PCDHA7: variants seen among roughly 807,000 people sequenced by gnomAD.
PCDHA7 encodes protocadherin alpha-7.
In PCDHA7, 37 loss-of-function variants were observed where a neutral mutation model predicts 57.2. The ratio of observed to expected loss-of-function variants is 0.65; its 90% CI spans 0.50 to 0.85. The LOEUF (loss-of-function observed/expected upper bound fraction) is 0.85. PCDHA7 is among the 40% of genes least tolerant of loss of function. PCDHA7 has a pLI of 0.00. For missense variants in PCDHA7, 1,188 were observed against 1,241.8 expected (o/e 0.96, Z 0.65); for synonymous variants, 553 against 558.8 (o/e 0.99, Z 0.15).
intron 1 of PCDHA7, among the ~76,000 whole-genome samples, chr5:140,847,056 A>T (rs1554141637): frequency 6.7e-6 from 1 of 149,850 alleles, no homozygotes; most frequent in South Asian, 2.1e-4. Flanking sequence ...GAAGACACAG[A>T]AAGCATCAAT....
chr5:140,875,961 C>G, intron 1 of PCDHA7: 1 of 1,614,004 alleles, frequency 6.2e-7, no homozygotes, highest in Non-Finnish European at 8.5e-7. Flanking sequence ...CGGATATCGG[C>G]GTAAACTCTC....
At chr5:140,956,554 G>C (rs546505112) in intron 1 of PCDHA7, among the ~76,000 whole-genome samples, 1 of 152,318 alleles carries the variant, frequency 6.6e-6, no homozygotes, top group East Asian at 1.9e-4. Flanking sequence ...TGGTTTGCCA[G>C]TATCTTATTG....
chr5:140,835,577 G>A lies in PCDHA7; in HGVS notation c.1194G>A (p.Val398=). The change falls in exon 1 of 4, where the codon GTG becomes GTA. Residue 398 remains valine, a synonymous_variant. Transcript: ENST00000525929. ...CGCCCCGCGTTCCCTTCAAGTTGGT[G>A]TCCACCTTCAAGAATTACTATTCAT... ...SLTPRVPFKL[V]STFKNYYSLV... The A allele has an allele frequency of 1.9e-6, 3 of 1,613,890 alleles. No individual in the cohort carries two copies. Among genetic ancestry groups the A allele is most frequent in the Non-Finnish European group, 2.5e-6 (3 of 1,179,866 alleles).
chr5:140,886,827 GAA>G (rs782016620), intron 1 of PCDHA7, among the ~76,000 whole-genome samples: 14 of 60,910 alleles, frequency 2.3e-4, no homozygotes, highest in Non-Finnish European at 3.3e-4. Context: ...ACTTCGTCTT[GAA>G]AAAAAAAAAA....
chr5:140,856,293 T>C, intron 1 of PCDHA7: 7 of 1,598,502 alleles, frequency 4.4e-6, no homozygotes, highest in Non-Finnish European at 6.0e-6. Context: ...CAGAATGGCA[T>C]TTTGTTTGTG....
intron 1 of PCDHA7, among the ~76,000 whole-genome samples, chr5:140,953,003 A>G (rs2094831963): frequency 6.6e-6 from 1 of 152,190 alleles, no homozygotes; most frequent in Non-Finnish European, 1.5e-5. Context: ...CTCTCTCACT[A>G]TTATGAGAAC....
chr5:140,835,990 G>T lies in PCDHA7; in HGVS notation c.1607G>T (p.Ser536Ile), dbSNP rs2150249638. 6.2e-7 allele frequency: 1 copy of T among 1,613,318 alleles called. No homozygotes were observed. Among genetic ancestry groups the T allele is most frequent in the East Asian group, 2.2e-5 (1 of 44,850 alleles). The change falls in exon 1 of 4, where the codon AGC becomes ATC. Residue 536 changes from serine (S) to isoleucine (I), a missense_variant. By Grantham distance (142) the Ser-to-Ile change is moderately radical. Transcript: ENST00000525929. ...CTGGAGCTGTTGCAGTTCCAGGTGA[G>T]CGCGCGCGATGCGGGCGTGCCGCCT... ...EELELLQFQV[S>I]ARDAGVPPLG...
At chr5:140,946,277 AT>A (rs1554217463) in intron 1 of PCDHA7, among the ~76,000 whole-genome samples, 1 of 152,068 alleles carries the variant, frequency 6.6e-6, no homozygotes, top group Non-Finnish European at 1.5e-5. Flanking sequence ...TAAAACCCCA[AT>A]GAGATATCAC....
chr5:140,973,199 G>A (rs574187280), intron 1 of PCDHA7, among the ~76,000 whole-genome samples: 3 of 152,296 alleles, frequency 2.0e-5, no homozygotes, highest in East Asian at 3.9e-4. Context: ...CACTATGTGT[G>A]CATATTCACC....
rs1562773759 is a variant in PCDHA7 at position 140,882,388 on chromosome 5, A to G, written c.2355+45650A>G. 2.5e-6 allele frequency: 4 copies of G among 1,614,158 alleles called. No individual in the cohort carries two copies. The African/African-American group carries it at 4.0e-5, about 16-fold the overall frequency. Reference sequence around the variant, plus strand: ...ACTACTCCGTCCCCGAGGAAGCAAAACACGGCACCTTCGTGGGCCGCATCG... The same window carrying G: ...ACTACTCCGTCCCCGAGGAAGCAAAGCACGGCACCTTCGTGGGCCGCATCG... On this transcript the variant is annotated intron_variant, in intron 1 of 3. Transcript: ENST00000525929.
intron 1 of PCDHA7, chr5:140,883,477 C>CTACT: frequency 6.2e-7 from 1 of 1,614,172 alleles, no homozygotes; most frequent in Middle Eastern, 1.7e-4. Context: ...CCTACAAGAA[C>CTACT]TACTACTCAT....
chr5:140,911,052 G>T (rs1172408042), intron 1 of PCDHA7, among the ~76,000 whole-genome samples: 1 of 152,044 alleles, frequency 6.6e-6, no homozygotes, highest in Non-Finnish European at 1.5e-5. Context: ...AGGGGTGGTG[G>T]GGGGTGGGTC....
At chr5:140,904,932 T>C in intron 1 of PCDHA7, among the ~76,000 whole-genome samples, 1 of 152,250 alleles carries the variant, frequency 6.6e-6, no homozygotes, top group African/African-American at 2.4e-5. Context: ...TTGTAGGTTC[T>C]GGATATTAGT....
At chr5:140,927,494 T>C (rs1235909927) in intron 1 of PCDHA7, 5 of 1,614,018 alleles carry the variant, frequency 3.1e-6, no homozygotes, top group Non-Finnish European at 4.2e-6. Context: ...ACCCACCTGC[T>C]GGTGCTTACA....
intron 1 of PCDHA7, among the ~76,000 whole-genome samples, chr5:140,917,324 C>CG (rs1299895515): frequency 0.012 from 918 of 74,422 alleles, 22 homozygotes; most frequent in East Asian, 0.019. Flanking sequence ...GTTCATGTGG[C>CG]GGGGGAGGGG....
chr5:140,888,343 G>C (rs1476390329), intron 1 of PCDHA7, among the ~76,000 whole-genome samples: 1 of 152,152 alleles, frequency 6.6e-6, no homozygotes, highest in Admixed American at 6.5e-5. Context: ...ATTACAACTA[G>C]GGAATTGCTA....
intron 1 of PCDHA7, chr5:140,877,867 T>C: frequency 2.7e-6 from 4 of 1,490,888 alleles, no homozygotes; most frequent in Non-Finnish European, 3.6e-6. Context: ...TTTAGATATA[T>C]TTGTTTCCTT....
chr5:140,927,967 AT>A, intron 1 of PCDHA7: 1 of 1,614,172 alleles, frequency 6.2e-7, no homozygotes, highest in Non-Finnish European at 8.5e-7. Context: ...TGGCACAGTG[AT>A]TGCTCTCTTT....
At chr5:140,886,436 T>A (rs1434592910) in intron 1 of PCDHA7, among the ~76,000 whole-genome samples, 2 of 152,158 alleles carry the variant, frequency 1.3e-5, no homozygotes, top group African/African-American at 4.8e-5. Context: ...TATTCATTTG[T>A]TTGTACTAAT....
Sources: gnomAD v4.1 joint callset for allele counts (sites outside exome capture counted in the v4.1 genomes callset) on GRCh38, gnomAD v4.1.1 for gene constraint, MANE v1.5 for transcripts, NCBI Gene and HGNC (gene_info 2026-07-23, HGNC 2026-07-21) for gene names.